CLASP2: variants seen among roughly 807,000 people sequenced by gnomAD.
The protein encoded by CLASP2 is cytoplasmic linker associated protein 2, also known as CLIP-associating protein 2.
CLASP2 carries 47 observed loss-of-function variants against 194.4 expected under a neutral mutation model. The ratio of observed to expected loss-of-function variants is 0.24; its 90% CI spans 0.19 to 0.31. The LOEUF (loss-of-function observed/expected upper bound fraction) is 0.31. CLASP2 is among the 10% of genes least tolerant of loss of function. The pLI, the probability that CLASP2 is intolerant of heterozygous loss-of-function variation, is 1.00. For missense variants in CLASP2, 1,445 were observed against 1,823.6 expected (o/e 0.79, Z 3.78); for synonymous variants, 619 against 633.5 (o/e 0.98, Z 0.34).
intron 1 of CLASP2, among the ~76,000 whole-genome samples, chr3:33,712,684 C>T (rs907893420): frequency 2.0e-5 from 3 of 152,022 alleles, no homozygotes; most frequent in Non-Finnish European, 4.4e-5. Flanking sequence ...AGGGTCAAGC[C>T]GGGCACGGTG....
chr3:33,516,961 T>C lies in CLASP2; in HGVS notation c.3981+20A>G. 1 of 1,600,110 alleles carries C rather than the reference T, an allele frequency of 6.2e-7. No homozygotes were observed. On this transcript the variant is annotated intron_variant, in intron 35 of 38. Coordinates refer to ENST00000682230, the MANE Select transcript of CLASP2 (RefSeq NM_001365631.1). ...AGAGACAGGAAGGAAAGGCTACTGT[T>C]TACATATTTTGCCATTTACCTCTTT...
chr3:33,667,406 C>CAAAAAAAAAAAAAAAAAAAAAAAAAAA (rs537846651), intron 6 of CLASP2, among the ~76,000 whole-genome samples: 1 of 44,130 alleles, frequency 2.3e-5, no homozygotes, highest in Non-Finnish European at 4.0e-5. Context: ...GAGACTATCT[C>CAAAAAAAAAAAAAAAAAAAAAAAAAAA]AAAAAAAAAA....
In CLASP2 at chr3:33,686,960, C is replaced by T. The variant is rs1337497599; in HGVS notation, c.546+100G>A. On this transcript the variant is annotated intron_variant, in intron 5 of 38. Coordinates refer to ENST00000682230, the MANE Select transcript of CLASP2 (RefSeq NM_001365631.1). Reference sequence around the variant, plus strand: ...GTAAAATCTTGATTTCAGCATCCCCCTCCACCCTCTCTCTTCTTTTTTAAA... The same window carrying T: ...GTAAAATCTTGATTTCAGCATCCCCTTCCACCCTCTCTCTTCTTTTTTAAA... 5 of 655,102 alleles carry T rather than the reference C, an allele frequency of 7.6e-6. No homozygotes were observed. In the East Asian group the frequency reaches 1.5e-4, roughly 20 times the overall value. The allele number at this position is 655,102 out of a possible 1,614,324, so 40.6% of individuals were successfully genotyped here.
chr3:33,645,251 T>C (rs2082084324), intron 7 of CLASP2: 1 of 765,278 alleles, frequency 1.3e-6, no homozygotes, highest in Non-Finnish European at 2.4e-6. Context: ...ACGCCCTGCC[T>C]TATTCCTTAT....
chr3:33,624,337 G>A (rs1185483873), intron 10 of CLASP2, among the ~76,000 whole-genome samples: 1 of 151,882 alleles, frequency 6.6e-6, no homozygotes, highest in Non-Finnish European at 1.5e-5. Flanking sequence ...TATAATCTTG[G>A]GCATATAAGG....
Position 33,571,015 on chromosome 3 carries a change from A to ATTTTTTTTTTTTTT in CLASP2, c.2700-239_2700-226dup, listed in dbSNP as rs1027731514. The stretch of plus-strand genomic sequence containing the variant: ...AGATGGCAAGATCCTGTCTCTATAA[A>ATTTTTTTTTTTTTT]TTTTTTTTTTTTTTTTTTGAGACGG... On this transcript the variant is annotated intron_variant, in intron 25 of 38. Transcript: ENST00000682230. Among the ~76,000 whole-genome samples, 26 of 123,926 alleles carry ATTTTTTTTTTTTTT rather than the reference A, an allele frequency of 2.1e-4. 2 individuals are homozygous for ATTTTTTTTTTTTTT. The highest frequency in any genetic ancestry group is 7.7e-4 in the East Asian group (3 of 3,908). The allele number at this position is 123,926 out of a possible 152,430, so 81.3% of individuals were successfully genotyped here.
chr3:33,570,781 T>C lies in CLASP2; in HGVS notation c.2709A>G (p.Glu903=). 1 of 1,586,142 alleles carries C rather than the reference T, an allele frequency of 6.3e-7. No homozygotes were observed. Among genetic ancestry groups the C allele is most frequent in the East Asian group, 2.3e-5 (1 of 43,954 alleles). The part of the protein sequence containing the change: ...LKNQRTLSRV[E]LKRLCEIFTR... The stretch of plus-strand genomic sequence containing the variant: ...TGAAAATTTCACATAATCTTTTCAG[T>C]TCAACTCGACTGCCAAGATAATACA... The change falls in exon 26 of 39, where the codon GAA becomes GAG. Residue 903 remains glutamate (E), a synonymous_variant. Coordinates refer to ENST00000682230, the MANE Select transcript of CLASP2 (RefSeq NM_001365631.1).
chr3:33,627,817 G>C (rs2078315959), intron 9 of CLASP2, among the ~76,000 whole-genome samples: 1 of 152,158 alleles, frequency 6.6e-6, no homozygotes, highest in Non-Finnish European at 1.5e-5. Context: ...CTTGAGCTGA[G>C]AGCTAAAGAA....
chr3:33,692,381 G>A (rs554403285), intron 2 of CLASP2, among the ~76,000 whole-genome samples: 1 of 151,980 alleles, frequency 6.6e-6, no homozygotes, highest in East Asian at 1.9e-4. Context: ...CCCAAACAGG[G>A]GCTCACTTTA....
chr3:33,632,089 G>A (rs1027256994), intron 9 of CLASP2, among the ~76,000 whole-genome samples: 2 of 152,100 alleles, frequency 1.3e-5, no homozygotes, highest in African/African-American at 4.8e-5. Context: ...TCAACAATAT[G>A]ATTCAATTTT....
intron 34 of CLASP2, among the ~76,000 whole-genome samples, chr3:33,524,263 A>G (rs1042580949): frequency 2.6e-5 from 4 of 152,160 alleles, no homozygotes; most frequent in Non-Finnish European, 4.4e-5. Context: ...TAGTAAAACT[A>G]TTACTATTTG....
At chr3:33,566,667 A>G (rs2062790035) in intron 27 of CLASP2, 65 bp downstream of exon 27, 3 of 421,918 alleles carry the variant, frequency 7.1e-6, no homozygotes, top group Non-Finnish European at 1.4e-5. Flanking sequence ...GAAAATAGAG[A>G]AAAAGGGTTA....
intron 11 of CLASP2, among the ~76,000 whole-genome samples, chr3:33,621,771 G>A (rs2077152208): frequency 6.6e-6 from 1 of 152,124 alleles, no homozygotes; most frequent in South Asian, 2.1e-4. Flanking sequence ...TGTAATGCCA[G>A]AATAATTGCT....
rs1234562614 is a variant in CLASP2, at chr3:33,517,062, T to A, written c.3900A>T (p.Thr1300=). The A allele has an allele frequency of 6.2e-7, 1 of 1,613,722 alleles. No homozygotes were observed. Among genetic ancestry groups the A allele is most frequent in the East Asian group, 2.2e-5 (1 of 44,820 alleles). ...CCCAAACACTAAAAGATTCTTCCTG[T>A]GTCAGTTTCATAAGTTCATAGAGGG... ...KIALYELMKL[T]QEESFSVWDE... is the part of the protein sequence containing the mutation. Residue 1300 remains threonine (T), a synonymous_variant, in exon 35 of 39, where the codon ACA becomes ACT. Transcript: ENST00000682230.
chr3:33,658,475 T>C (rs1295902968), intron 7 of CLASP2, among the ~76,000 whole-genome samples: 7 of 152,218 alleles, frequency 4.6e-5, no homozygotes, highest in Admixed American at 2.0e-4. Context: ...TAGAAAAATG[T>C]TGGGACACTG....
intron 6 of CLASP2, among the ~76,000 whole-genome samples, chr3:33,669,240 T>C (rs2086721870): frequency 6.6e-6 from 1 of 152,150 alleles, no homozygotes. Flanking sequence ...TTACCTGAAG[T>C]CTTTTATCAT....
At chr3:33,551,055 C>T (rs1197940265) in intron 30 of CLASP2, among the ~76,000 whole-genome samples, 197 bp downstream of exon 30, 1 of 152,142 alleles carries the variant, frequency 6.6e-6, no homozygotes. Flanking sequence ...AAGGCAGCTA[C>T]TTTTGATTCT....
At chr3:33,594,654 T>G (rs544482621) in intron 20 of CLASP2, among the ~76,000 whole-genome samples, 36 of 151,280 alleles carry the variant, frequency 2.4e-4, no homozygotes, top group African/African-American at 8.5e-4. Context: ...GTCACTACTA[T>G]AAAAAATGAA....
At chr3:33,499,091 T>C (rs1412943172) in intron 38 of CLASP2, among the ~76,000 whole-genome samples, 1 of 152,146 alleles carries the variant, frequency 6.6e-6, no homozygotes, top group African/African-American at 2.4e-5. Flanking sequence ...AGGGTCCTTG[T>C]GGGAGGTGAC....
Sources: gnomAD v4.1 joint callset for allele counts (sites outside exome capture counted in the v4.1 genomes callset) on GRCh38, gnomAD v4.1.1 for gene constraint, MANE v1.5 for transcripts, NCBI Gene and HGNC (gene_info 2026-07-23, HGNC 2026-07-21) for gene names.